SNAP91: variants seen among roughly 807,000 people sequenced by gnomAD.
SNAP91 encodes clathrin coat assembly protein AP180.
Under a neutral mutation model 100.3 loss-of-function variants are expected in SNAP91, and 27 were observed. The observed-to-expected ratio is 0.27, with a 90% confidence interval of 0.20 to 0.37. The LOEUF (loss-of-function observed/expected upper bound fraction) is 0.37, where lower values mean the gene tolerates loss of function less well. Among genes scored for constraint, SNAP91 ranks in the 10% least tolerant of loss-of-function variants. SNAP91 has a pLI of 1.00. For synonymous variants in SNAP91, 404 were observed against 398.6 expected (o/e 1.01, Z -0.16); for missense variants, 986 against 1,123.7 (o/e 0.88, Z 1.75).
At chr6:83,592,796 C>A (rs572246185) in intron 20 of SNAP91, 150 bp downstream of exon 20, 3 of 725,974 alleles carry the variant, frequency 4.1e-6, no homozygotes, top group Admixed American at 2.9e-5. Context: ...TAACCCTCAA[C>A]GGTTGATGAT....
At chr6:83,583,749 G>C (rs1013486867) in intron 22 of SNAP91, among the ~76,000 whole-genome samples, 7 of 152,058 alleles carry the variant, frequency 4.6e-5, no homozygotes, top group African/African-American at 1.7e-4. Context: ...ACATCCTTAA[G>C]TTTACGTTCC....
chr6:83,588,167 T>A (rs77323307), intron 22 of SNAP91, among the ~76,000 whole-genome samples: 6,558 of 152,244 alleles, frequency 0.043, 470 homozygotes, highest in African/African-American at 0.15. Flanking sequence ...TATTTCACAT[T>A]GTGCCAAATA....
intron 8 of SNAP91, among the ~76,000 whole-genome samples, chr6:83,636,275 T>C (rs1262775082): frequency 2.0e-5 from 3 of 152,216 alleles, no homozygotes; most frequent in Non-Finnish European, 4.4e-5. Flanking sequence ...AGTTGCTCAC[T>C]CTCTCTTCTC....
At chr6:83,619,765 G>C (rs1386748050) in intron 9 of SNAP91, among the ~76,000 whole-genome samples, 1 of 151,954 alleles carries the variant, frequency 6.6e-6, no homozygotes, top group East Asian at 1.9e-4. Context: ...CCACAAACAG[G>C]AAATAATATT....
At chr6:83,642,601 T>C (rs1217234022) in intron 7 of SNAP91, among the ~76,000 whole-genome samples, 2 of 152,260 alleles carry the variant, frequency 1.3e-5, no homozygotes, top group African/African-American at 4.8e-5. Flanking sequence ...GTTGGACATT[T>C]GGGTTGGTTC....
intron 24 of SNAP91, among the ~76,000 whole-genome samples, chr6:83,576,659 T>C (rs992823707): frequency 7.9e-5 from 12 of 152,216 alleles, no homozygotes; most frequent in African/African-American, 2.9e-4. Flanking sequence ...TAAGGAAGTC[T>C]GCATGTGGAC....
chr6:83,601,101 G>T (rs1362241331), intron 16 of SNAP91, among the ~76,000 whole-genome samples, 170 bp downstream of exon 16: 1 of 152,172 alleles, frequency 6.6e-6, no homozygotes, highest in Non-Finnish European at 1.5e-5. Context: ...AAAATTAAGT[G>T]AAGAGAAAGT....
chr6:83,652,507 C>T (rs1195187401), intron 7 of SNAP91, among the ~76,000 whole-genome samples: 7 of 152,190 alleles, frequency 4.6e-5, no homozygotes. Flanking sequence ...TTCCTCCCTA[C>T]TATCCCTTGT....
rs2128524757 is a variant in SNAP91 at position 83,638,340 on chromosome 6, C to T, written c.765+2756G>A. Among the ~76,000 whole-genome samples the T allele has an allele frequency of 2.0e-5, 3 of 152,146 alleles. No homozygotes were observed. The South Asian group carries it at 6.3e-4, about 32-fold the overall frequency. On this transcript the variant is annotated intron_variant, in intron 8 of 29. Transcript: ENST00000369694. ...TTCCTCTTGGTGGGAGAGGCATTTG[C>T]TAGCTTTGTCTAGTTGGCTGTCTTC...
intron 9 of SNAP91, among the ~76,000 whole-genome samples, chr6:83,620,651 T>G (rs1005548001): frequency 2.6e-5 from 4 of 152,100 alleles, no homozygotes; most frequent in African/African-American, 9.7e-5. Flanking sequence ...ATTAAGAAAT[T>G]TCAGAAGCAT....
At chr6:83,682,128 T>C (rs1273654204) in intron 2 of SNAP91, among the ~76,000 whole-genome samples, 2 of 151,664 alleles carry the variant, frequency 1.3e-5, no homozygotes, top group Non-Finnish European at 2.9e-5. Flanking sequence ...CTCTCATTCC[T>C]GCAGCAGGCT....
chr6:83,594,662 T>C, intron 16 of SNAP91, 181 bp from the exon 17 acceptor site: 6 of 511,952 alleles, frequency 1.2e-5, no homozygotes, highest in South Asian at 2.9e-5. Context: ...CACACCTTCA[T>C]GTTAGTTAAC....
intron 2 of SNAP91, among the ~76,000 whole-genome samples, chr6:83,706,573 CT>C (rs989864567): frequency 3.3e-5 from 5 of 152,262 alleles, no homozygotes; most frequent in African/African-American, 1.2e-4. Context: ...GGCTGGACAA[CT>C]CTTACAATGT....
rs2097679170 is a variant in SNAP91, at chr6:83,641,045, T to C, written c.765+51A>G. The stretch of plus-strand genomic sequence containing the variant: ...TTCTATTATATATACTCCAGATACA[T>C]GAGCAAATATTTAAAAAATTATATT... On this transcript the variant is annotated intron_variant, in intron 8 of 29. Transcript: ENST00000369694. The C allele has an allele frequency of 3.8e-6, 4 of 1,058,904 alleles. No individual in the cohort carries two copies. The African/African-American group carries it at 6.6e-5, about 18-fold the overall frequency. 65.6% of individuals were successfully genotyped at this position (1,058,904 alleles called of 1,614,324 possible).
At chr6:83,611,375 G>A in intron 11 of SNAP91, 1 of 425,762 alleles carries the variant, frequency 2.3e-6, no homozygotes, top group East Asian at 8.0e-5. Context: ...ATTACTGGTA[G>A]CATTGACTAT....
chr6:83,644,307 G>C (rs1290098992), intron 7 of SNAP91, among the ~76,000 whole-genome samples: 1 of 152,002 alleles, frequency 6.6e-6, no homozygotes, highest in African/African-American at 2.4e-5. Context: ...TGTGGATTTA[G>C]GTCATAATCT....
intron 2 of SNAP91, among the ~76,000 whole-genome samples, chr6:83,677,237 C>A (rs1269189056): frequency 6.6e-6 from 1 of 152,112 alleles, no homozygotes; most frequent in Non-Finnish European, 1.5e-5. Context: ...TAAGGGGGTA[C>A]CCTCAGAGTT....
intron 26 of SNAP91, among the ~76,000 whole-genome samples, chr6:83,568,549 T>C (rs1022867515): frequency 2.6e-5 from 4 of 151,866 alleles, no homozygotes; most frequent in Admixed American, 1.3e-4. Context: ...CAGGAATAAG[T>C]AACCCAGGAA....
At chr6:83,709,278 C>A (rs2099421706), upstream of SNAP91, 1 of 152,224 alleles carries the variant, frequency 6.6e-6, no homozygotes, top group Non-Finnish European at 1.5e-5. Context: ...GCAAGCATCC[C>A]CGGCAAGCCG....
Sources: allele counts gnomAD v4.1 joint callset (sites outside exome capture counted in the v4.1 genomes callset), GRCh38; gene constraint gnomAD v4.1.1; transcripts MANE v1.5; gene names NCBI Gene and HGNC (gene_info 2026-07-23, HGNC 2026-07-21).